Variants in SNX19 observed in about 807,000 individuals in gnomAD.
SNX19 encodes the protein sorting nexin-19.
Under a neutral mutation model 85.2 loss-of-function variants are expected in SNX19, and 60 were observed. That is an observed-to-expected ratio of 0.70 (90% CI 0.57 to 0.87). The LOEUF is 0.87. Ranked by LOEUF, SNX19 falls within the 40% of genes least tolerant of loss-of-function variation. SNX19 has a pLI of 0.00. For missense variants in SNX19, 1,201 were observed against 1,217.8 expected (o/e 0.99, Z 0.21); for synonymous variants, 520 against 470.0 (o/e 1.11, Z -1.38).
At position 130,886,559 on chromosome 11, in the gene SNX19, T is replaced by C. The variant is rs80169954; in HGVS notation, c.2574-5753A>G. Among the ~76,000 whole-genome samples the C allele has an allele frequency of 5.2e-3, 792 of 152,230 alleles. 5 individuals carry two copies. Among genetic ancestry groups the C allele is most frequent in the Middle Eastern group, 0.01 (3 of 294 alleles). Reference sequence around the variant, plus strand: ...AAAATGTTTGCAGGGGCCTCAACCATGAACACTGTGTTCTGTACTGCCAGT... The same window carrying C: ...AAAATGTTTGCAGGGGCCTCAACCACGAACACTGTGTTCTGTACTGCCAGT... On this transcript the variant is annotated intron_variant, in intron 8 of 10. Transcript: ENST00000265909.
intron 4 of SNX19, 140 bp from the exon 5 acceptor site, chr11:130,908,223 A>T: frequency 2.3e-6 from 2 of 856,502 alleles, no homozygotes; most frequent in African/African-American, 3.4e-5. Flanking sequence ...TCCAGTAGGA[A>T]GGTCGAATAC....
At chr11:130,905,900 G>C in intron 7 of SNX19, 53 bp downstream of exon 7, 4 of 1,613,868 alleles carry the variant, frequency 2.5e-6, no homozygotes, top group Non-Finnish European at 2.5e-6. Flanking sequence ...CAAGTACCAA[G>C]TGGATGCCAC....
chr11:130,905,786 TAC>T (rs1314774565), intron 7 of SNX19, 165 bp downstream of exon 7: 1 of 1,539,006 alleles, frequency 6.5e-7, no homozygotes, highest in South Asian at 1.2e-5. Context: ...AACTATGTAC[TAC>T]TCATCTCTGT....
In SNX19 at chr11:130,878,334, A is replaced by T; in HGVS notation, c.*88T>A. The T allele has an allele frequency of 6.9e-7, 1 of 1,444,242 alleles. No individual in the cohort carries two copies. Among genetic ancestry groups the T allele is most frequent in the African/African-American group, 1.4e-5 (1 of 70,828 alleles). The allele number at this position is 1,444,242 out of a possible 1,614,324, so 89.5% of individuals were successfully genotyped here. ...ACCTAGGCCTTCTTAGCTGTAGCCT[A>T]CTTGAAGAGGGCACGGGCTTCCTGA... On this transcript the variant is annotated 3_prime_UTR_variant, in exon 11 of 11. Transcript: ENST00000265909.
At position 130,873,000 on chromosome 11, in the gene SNX19, CA is replaced by C. The variant is rs964041043; in HGVS notation, c.*5421del. Reference sequence around the variant, plus strand: ...GCATCTCCAAATGCTCCCTGCCCCTCAAACAGCAGAGGAGTGTGATAATCAT... The same window carrying C: ...GCATCTCCAAATGCTCCCTGCCCCTCAACAGCAGAGGAGTGTGATAATCAT... On this transcript the variant is annotated 3_prime_UTR_variant, in exon 11 of 11. Transcript: ENST00000265909. Among the ~76,000 whole-genome samples the C allele has an allele frequency of 6.6e-6, 1 of 152,190 alleles. No individual in the cohort carries two copies. The highest frequency in any genetic ancestry group is 1.5e-5 in the Non-Finnish European group (1 of 68,032).
intron 1 of SNX19, among the ~76,000 whole-genome samples, chr11:130,912,340 A>G (rs1246095564): frequency 2.6e-5 from 4 of 152,226 alleles, no homozygotes; most frequent in Non-Finnish European, 5.9e-5. Context: ...TGTATCACAG[A>G]AGTCACATGA....
chr11:130,909,909 C>T (rs1182288893), intron 4 of SNX19, 109 bp downstream of exon 4: 3 of 1,433,952 alleles, frequency 2.1e-6, no homozygotes, highest in East Asian at 4.6e-5. Flanking sequence ...TCTGTGCTGC[C>T]CCTTCCCACA....
chr11:130,866,376 T>G lies in SNX19; in HGVS notation c.*12046A>C, dbSNP rs3234. 0.05 allele frequency: 7,566 copies of G among 152,322 alleles called. 261 individuals are homozygous for G. Among genetic ancestry groups the G allele is most frequent in the Non-Finnish European group, 0.08 (5,448 of 68,016 alleles). The allele number at this position is 152,322 out of a possible 1,614,324, so 9.4% of individuals were successfully genotyped here. ...ATGAAAAACATTTGTATTCAGAGAA[T>G]TCTAAGACAAATGGTCAAATATTCA... On this transcript the variant is annotated 3_prime_UTR_variant, in exon 11 of 11. Coordinates refer to ENST00000265909, the MANE Select transcript of SNX19 (RefSeq NM_014758.3).
chr11:130,908,042 A>C lies in SNX19; in HGVS notation c.2076T>G (p.Phe692Leu). 6.2e-7 allele frequency: 1 copy of C among 1,614,136 alleles called. No individual in the cohort carries two copies. Among genetic ancestry groups the C allele is most frequent in the Non-Finnish European group, 8.5e-7 (1 of 1,180,026 alleles). The part of the protein sequence containing the change: ...SAIVDTLKTA[F>L]PRSEPQSPTE... ...TGGGGCTCTGGGGTTCAGAGCGAGG[A>C]AACGCTGTCTTCAAGGTGTCCACAA... The change falls in exon 5 of 11, where the codon TTT becomes TTG. Residue 692 changes from phenylalanine (F) to leucine (L), a missense_variant. This residue lies in a region of SNX19 where 125 missense variants were observed against 171.6 expected (regional missense o/e 0.73). Transcript: ENST00000265909.
At chr11:130,888,816 A>G (rs180824088) in intron 8 of SNX19, among the ~76,000 whole-genome samples, 10 of 152,354 alleles carry the variant, frequency 6.6e-5, no homozygotes, top group African/African-American at 1.7e-4. Flanking sequence ...GGCCATGTAC[A>G]GGTTTAAATG....
intron 4 of SNX19, 60 bp from the exon 5 acceptor site, chr11:130,908,143 C>T: frequency 2.5e-6 from 4 of 1,583,390 alleles, no homozygotes; most frequent in South Asian, 1.1e-5. Context: ...AACCGCCAAG[C>T]AAGCAGTCGC....
intron 8 of SNX19, chr11:130,895,306 G>T (rs1944803216): frequency 1.0e-6 from 1 of 967,296 alleles, no homozygotes; most frequent in African/African-American, 1.8e-5. Context: ...GAAAGACTCA[G>T]TTTCCATTTT....
rs370540652 is a variant in SNX19, at chr11:130,878,459, G to A, written c.2942C>T (p.Thr981Ile). 1.2e-4 allele frequency: 192 copies of A among 1,613,798 alleles called. 1 individual carries two copies. Among genetic ancestry groups the A allele is most frequent in the Non-Finnish European group, 1.5e-4 (181 of 1,179,894 alleles). Reference sequence around the variant, plus strand: ...ACCCATCCTCTTAGAGTTGCCTGGGGTATCTGAGGCAGAGGTGGTAGCAGC... The same window carrying A: ...ACCCATCCTCTTAGAGTTGCCTGGGATATCTGAGGCAGAGGTGGTAGCAGC... ...ESAATTSASDTPGNSKRMGVS... is the reference protein window; with the variant it reads ...ESAATTSASDIPGNSKRMGVS... The change falls in exon 11 of 11, where the codon ACC (threonine) becomes ATC (isoleucine). Residue 981 changes from threonine (T) to isoleucine (I), a missense_variant. Thr to Ile is a moderately conservative substitution (Grantham distance 89). This residue lies in a region of SNX19 where 285 missense variants were observed against 295.3 expected (regional missense o/e 0.97). Coordinates refer to ENST00000265909, the MANE Select transcript of SNX19 (RefSeq NM_014758.3).
chr11:130,906,261 C>T, intron 6 of SNX19, 128 bp from the exon 7 acceptor site: 8 of 906,410 alleles, frequency 8.8e-6, no homozygotes, highest in Non-Finnish European at 1.3e-5. Context: ...GATGCTATGA[C>T]TCCTTTAGGA....
At chr11:130,886,562 A>G (rs1487816628) in intron 8 of SNX19, among the ~76,000 whole-genome samples, 1 of 152,130 alleles carries the variant, frequency 6.6e-6, no homozygotes, top group Non-Finnish European at 1.5e-5. Flanking sequence ...TCAACCATGA[A>G]CACTGTGTTC....
chr11:130,915,254 A>C lies in SNX19; in HGVS notation c.686T>G (p.Leu229Trp). ...TACATGGCGTCCGGTACGAGTCTCC[A>C]AGTGGGGCTTGGGCACCAGCCCTTG... ...LLQGLVPKPH[L>W]ETRTGRHVVV... The change falls in exon 1 of 11, where the codon TTG becomes TGG. Residue 229 changes from leucine (L) to tryptophan (W), a missense_variant. This residue lies in a region of SNX19 where 791 missense variants were observed against 750.9 expected (regional missense o/e 1.05). Transcript: ENST00000265909. The C allele has an allele frequency of 6.2e-7, 1 of 1,614,204 alleles. No homozygotes were observed. Among genetic ancestry groups the C allele is most frequent in the South Asian group, 1.1e-5 (1 of 91,086 alleles).
At position 130,915,556 on chromosome 11, in the gene SNX19, C is replaced by T. The variant is rs1366491034; in HGVS notation, c.384G>A (p.Glu128=). The T allele has an allele frequency of 6.2e-7, 1 of 1,614,240 alleles. No homozygotes were observed. The highest frequency in any genetic ancestry group is 1.1e-5 in the South Asian group (1 of 91,090). The part of the protein sequence containing the change: ...YRSVSQEPAF[E]EEMEAAMKGL... Reference sequence around the variant, plus strand: ...CTTTCATGGCTGCCTCCATTTCTTCCTCAAAGGCTGGCTCCTGGCTCACGG... The same window carrying T: ...CTTTCATGGCTGCCTCCATTTCTTCTTCAAAGGCTGGCTCCTGGCTCACGG... Residue 128 remains glutamate, a synonymous_variant, in exon 1 of 11, where the codon GAG becomes GAA. Transcript: ENST00000265909.
At chr11:130,912,033 C>T (rs1305217366) in intron 1 of SNX19, among the ~76,000 whole-genome samples, 1 of 151,784 alleles carries the variant, frequency 6.6e-6, no homozygotes, top group African/African-American at 2.4e-5. Flanking sequence ...AAAATGGCTA[C>T]ATAACTGTTT....
rs754578596 is a variant in SNX19 at position 130,915,143 on chromosome 11, C to T, written c.797G>A (p.Gly266Asp). 3.1e-6 allele frequency: 5 copies of T among 1,613,808 alleles called. No homozygotes were observed. In the East Asian group the frequency reaches 6.7e-5, roughly 22 times the overall value. ...DPDWIHLVLV[G>D]IFSKARDPAP... is the part of the protein sequence containing the mutation. ...TGGATCTCTGGCCTTGGAAAAGATACCCACGAGTACAAGGTGGATCCAGTC... is the reference window on the plus strand; with the variant it reads ...TGGATCTCTGGCCTTGGAAAAGATATCCACGAGTACAAGGTGGATCCAGTC... Residue 266 changes from glycine to aspartate, a missense_variant, in exon 1 of 11, where the codon GGT becomes GAT. Gly to Asp is a moderately conservative substitution (Grantham distance 94). Around this residue, in one of 3 missense-constraint regions of SNX19, gnomAD observed 791 missense variants for 750.9 expected, o/e 1.05. Coordinates refer to ENST00000265909, the MANE Select transcript of SNX19 (RefSeq NM_014758.3).
Sources: gnomAD v4.1 joint callset for allele counts (sites outside exome capture counted in the v4.1 genomes callset) on GRCh38, gnomAD v4.1.1 for gene constraint, gnomAD v4.1.1 regional missense constraint, MANE v1.5 for transcripts, NCBI Gene and HGNC (gene_info 2026-07-23, HGNC 2026-07-21) for gene names.